MIS18A: variants seen among roughly 807,000 people sequenced by gnomAD.
MIS18A encodes the protein protein Mis18-alpha.
MIS18A carries 14 observed loss-of-function variants against 25.0 expected under a neutral mutation model. The ratio of observed to expected loss-of-function variants is 0.56; its 90% CI spans 0.37 to 0.88. MIS18A has a LOEUF of 0.88. MIS18A is among the 40% of genes least tolerant of loss of function. MIS18A has a pLI of 0.00. For synonymous variants in MIS18A, 134 were observed against 118.6 expected, an observed-to-expected ratio of 1.13 and a Z score of -0.84; for missense variants, 292 against 290.8, an observed-to-expected ratio of 1.00 and a Z score of -0.03.
At chr21:32,198,618 T>A in the MIS18A span, among the ~76,000 whole-genome samples, 1 of 152,206 alleles carries the variant, frequency 6.6e-6, no homozygotes, top group African/African-American at 2.4e-5. Flanking sequence ...CCAGCAGGGA[T>A]ACTCACAGTG....
the MIS18A span, among the ~76,000 whole-genome samples, chr21:32,177,349 G>A: frequency 6.6e-6 from 1 of 152,130 alleles, no homozygotes; most frequent in Admixed American, 6.5e-5. Context: ...CATCAAATAT[G>A]ATACTGATGA....
chr21:32,178,131 G>GCAC, the MIS18A span, among the ~76,000 whole-genome samples: 3 of 151,924 alleles, frequency 2.0e-5, no homozygotes, highest in African/African-American at 7.3e-5. Context: ...TGTTGCCCAG[G>GCAC]CTGATCTCAA....
the MIS18A span, among the ~76,000 whole-genome samples, chr21:32,245,248 T>G: frequency 2.0e-5 from 3 of 152,200 alleles, no homozygotes; most frequent in Non-Finnish European, 2.9e-5. Flanking sequence ...ACTGATGGTG[T>G]CACTTCTGCC....
At chr21:32,206,767 G>T in the MIS18A span, among the ~76,000 whole-genome samples, 2,679 of 152,206 alleles carry the variant, frequency 0.018, 81 homozygotes, top group African/African-American at 0.06. Context: ...AGGAAATGAG[G>T]TTATTAAAGG....
the MIS18A span, among the ~76,000 whole-genome samples, chr21:32,175,656 A>C: frequency 6.6e-6 from 1 of 151,104 alleles, no homozygotes; most frequent in Non-Finnish European, 1.5e-5. Context: ...GAAAAAAAAA[A>C]AGTAGCTGGG....
the MIS18A span, among the ~76,000 whole-genome samples, chr21:32,179,086 C>T: frequency 2.4e-4 from 37 of 151,280 alleles, no homozygotes; most frequent in African/African-American, 8.2e-4. Context: ...ATTTTCAATA[C>T]TCTCTTTTAT....
At chr21:32,238,729 T>G in the MIS18A span, among the ~76,000 whole-genome samples, 1 of 152,310 alleles carries the variant, frequency 6.6e-6, no homozygotes, top group Non-Finnish European at 1.5e-5. Flanking sequence ...CAAGCCCTTC[T>G]TGTATCTTTG....
At chr21:32,265,250 C>T (rs898592124), downstream of MIS18A, among the ~76,000 whole-genome samples, 10 of 152,180 alleles carry the variant, frequency 6.6e-5, no homozygotes, top group South Asian at 2.1e-4. Flanking sequence ...AGCCCTTCAG[C>T]CCCCCACTGC....
At chr21:32,237,962 A>G in the MIS18A span, among the ~76,000 whole-genome samples, 1 of 152,108 alleles carries the variant, frequency 6.6e-6, no homozygotes, top group East Asian at 1.9e-4. Context: ...GATGCTCTCC[A>G]TCTTTCTGCC....
the MIS18A span, among the ~76,000 whole-genome samples, chr21:32,212,955 G>A: frequency 6.6e-6 from 1 of 152,056 alleles, no homozygotes; most frequent in African/African-American, 2.4e-5. Context: ...CCCAGTCTCG[G>A]GTATATCTTT....
the MIS18A span, among the ~76,000 whole-genome samples, chr21:32,157,950 G>A: frequency 6.6e-6 from 1 of 152,152 alleles, no homozygotes; most frequent in Non-Finnish European, 1.5e-5. Flanking sequence ...AGAGTTTTGA[G>A]ATTAAATTTA....
the MIS18A span, among the ~76,000 whole-genome samples, chr21:32,215,890 A>C: frequency 6.6e-6 from 1 of 152,190 alleles, no homozygotes; most frequent in African/African-American, 2.4e-5. Context: ...ATTCTATGAA[A>C]ACAAAAAGTT....
At chr21:32,231,119 C>T in the MIS18A span, among the ~76,000 whole-genome samples, 3 of 151,856 alleles carry the variant, frequency 2.0e-5, no homozygotes, top group East Asian at 5.8e-4. Context: ...CACCTGTAGT[C>T]CCAGCTACTC....
chr21:32,252,705 G>C, the MIS18A span, among the ~76,000 whole-genome samples: 1 of 152,166 alleles, frequency 6.6e-6, no homozygotes, highest in African/African-American at 2.4e-5. Flanking sequence ...GCCTGACCAG[G>C]AAAGAAATAT....
chr21:32,166,667 T>A, the MIS18A span, among the ~76,000 whole-genome samples: 2 of 152,180 alleles, frequency 1.3e-5, no homozygotes, highest in African/African-American at 4.8e-5. Flanking sequence ...CATACTGATA[T>A]AAATTTATTC....
chr21:32,245,034 A>G, the MIS18A span, among the ~76,000 whole-genome samples: 2 of 152,222 alleles, frequency 1.3e-5, no homozygotes, highest in Non-Finnish European at 2.9e-5. Context: ...TGAAATCTGG[A>G]TTTCATTTGG....
the MIS18A span, among the ~76,000 whole-genome samples, chr21:32,222,868 T>C: frequency 1.3e-5 from 2 of 150,290 alleles, no homozygotes; most frequent in Non-Finnish European, 3.0e-5. Flanking sequence ...CAGGCGGAGC[T>C]TGCTTGCAGT....
At chr21:32,182,470 T>C in the MIS18A span, among the ~76,000 whole-genome samples, 5 of 152,244 alleles carry the variant, frequency 3.3e-5, no homozygotes, top group Admixed American at 3.3e-4. Context: ...TTTTTAAAAC[T>C]GTACGGAAAG....
chr21:32,248,781 TC>T, the MIS18A span, among the ~76,000 whole-genome samples: 1 of 152,176 alleles, frequency 6.6e-6, no homozygotes, highest in African/African-American at 2.4e-5. Context: ...GGCAGCTACT[TC>T]CCCAGCGGAA....
Sources: gnomAD v4.1 joint callset for allele counts (sites outside exome capture counted in the v4.1 genomes callset) on GRCh38, gnomAD v4.1.1 for gene constraint, MANE v1.5 for transcripts, NCBI Gene and HGNC (gene_info 2026-07-23, HGNC 2026-07-21) for gene names.